Variants in FAF1 observed in about 807,000 individuals in gnomAD.
FAF1 encodes FAS-associated factor 1.
In FAF1, 25 loss-of-function variants were observed where a neutral mutation model predicts 92.5. The observed-to-expected ratio is 0.27, with a 90% confidence interval of 0.20 to 0.38. The LOEUF is 0.38. Among genes scored for constraint, FAF1 ranks in the 10% least tolerant of loss-of-function variants. The pLI is 1.00. For missense variants in FAF1, 636 were observed against 793.3 expected, an observed-to-expected ratio of 0.80 and a Z score of 2.38; for synonymous variants, 234 against 273.2, an observed-to-expected ratio of 0.86 and a Z score of 1.42.
intron 1 of FAF1, among the ~76,000 whole-genome samples, chr1:50,927,638 T>C (rs1207285870): frequency 6.6e-6 from 1 of 152,194 alleles, no homozygotes; most frequent in Non-Finnish European, 1.5e-5. Context: ...ATGTACTAAG[T>C]TATGCTGAAA....
intron 8 of FAF1, among the ~76,000 whole-genome samples, chr1:50,624,156 CT>C (rs1241862069): frequency 1.3e-5 from 2 of 151,352 alleles, no homozygotes; most frequent in Non-Finnish European, 3.0e-5. Context: ...AACTTTCGAA[CT>C]TTTTTTTTCA....
intron 4 of FAF1, among the ~76,000 whole-genome samples, chr1:50,783,095 C>T (rs946592140): frequency 1.3e-5 from 2 of 151,832 alleles, no homozygotes; most frequent in Non-Finnish European, 2.9e-5. Context: ...CATATGCCAA[C>T]AAATTAGATA....
chr1:50,519,449 AGGAGGGAG>A (rs1388584091), intron 15 of FAF1, among the ~76,000 whole-genome samples: 1 of 141,190 alleles, frequency 7.1e-6, no homozygotes, highest in Non-Finnish European at 1.5e-5. Flanking sequence ...GGAGGAGGGA[AGGAGGGAG>A]GGAAGGAAGG....
intron 8 of FAF1, among the ~76,000 whole-genome samples, chr1:50,652,523 A>G (rs1170248808): frequency 1.3e-5 from 2 of 152,234 alleles, no homozygotes; most frequent in Non-Finnish European, 2.9e-5. Flanking sequence ...AACCCTGTGA[A>G]GCCCCACATT....
intron 6 of FAF1, among the ~76,000 whole-genome samples, chr1:50,724,296 T>TACACATACACACAC (rs1553132402): frequency 2.6e-5 from 3 of 117,136 alleles, no homozygotes; most frequent in Non-Finnish European, 5.6e-5. Flanking sequence ...CACACACACA[T>TACACATACACACAC]ACACACACAC....
At chr1:50,685,866 T>C (rs915772110) in intron 7 of FAF1, among the ~76,000 whole-genome samples, 1 of 152,200 alleles carries the variant, frequency 6.6e-6, no homozygotes, top group African/African-American at 2.4e-5. Flanking sequence ...TCCCCAGAAA[T>C]ACACTCAAAT....
chr1:50,463,494 A>G (rs1646458294), intron 18 of FAF1, among the ~76,000 whole-genome samples: 1 of 152,232 alleles, frequency 6.6e-6, no homozygotes, highest in Non-Finnish European at 1.5e-5. Context: ...TGTTTAGGGT[A>G]AAGAGCATAG....
At chr1:50,488,767 T>C (rs1646796322) in intron 17 of FAF1, among the ~76,000 whole-genome samples, 1 of 152,220 alleles carries the variant, frequency 6.6e-6, no homozygotes, top group East Asian at 1.9e-4. Flanking sequence ...TTTTCACTTA[T>C]AAAGATAAAT....
chr1:50,697,713 T>C (rs755886408), intron 7 of FAF1, among the ~76,000 whole-genome samples: 3 of 152,140 alleles, frequency 2.0e-5, no homozygotes, highest in Non-Finnish European at 4.4e-5. Flanking sequence ...GGTCACGCAA[T>C]GACCACAAAG....
At chr1:50,450,308 C>T (rs1227533776) in intron 18 of FAF1, among the ~76,000 whole-genome samples, 1 of 152,058 alleles carries the variant, frequency 6.6e-6, no homozygotes, top group Admixed American at 6.6e-5. Context: ...ATAAGTACTC[C>T]TATTATTTCA....
chr1:50,705,944 T>A, intron 6 of FAF1, 53 bp from the exon 7 acceptor site: 2 of 1,106,672 alleles, frequency 1.8e-6, no homozygotes, highest in Non-Finnish European at 2.7e-6. Context: ...AGTTCTAGCT[T>A]GCTTTACAGC....
intron 1 of FAF1, among the ~76,000 whole-genome samples, chr1:50,883,663 G>C (rs1644632308): frequency 6.6e-6 from 1 of 152,006 alleles, no homozygotes; most frequent in Non-Finnish European, 1.5e-5. Flanking sequence ...CACACTAAAA[G>C]AGACTAAAGA....
chr1:50,625,338 A>G (rs1466589121), intron 8 of FAF1, among the ~76,000 whole-genome samples: 1 of 152,180 alleles, frequency 6.6e-6, no homozygotes, highest in Non-Finnish European at 1.5e-5. Flanking sequence ...CCTGTCAACA[A>G]ATATTAAGTA....
At chr1:50,509,940 G>A (rs1647111877) in intron 15 of FAF1, among the ~76,000 whole-genome samples, 1 of 152,006 alleles carries the variant, frequency 6.6e-6, no homozygotes, top group Non-Finnish European at 1.5e-5. Context: ...GGACGAGTTG[G>A]GCGGATTGCC....
At chr1:50,459,118 T>C (rs1646393106) in intron 18 of FAF1, among the ~76,000 whole-genome samples, 1 of 152,052 alleles carries the variant, frequency 6.6e-6, no homozygotes, top group Non-Finnish European at 1.5e-5. Context: ...ACTACAGGCA[T>C]GTGCCACCAC....
At chr1:50,871,154 C>G (rs78882667) in intron 1 of FAF1, among the ~76,000 whole-genome samples, 1,866 of 152,328 alleles carry the variant, frequency 0.012, 23 homozygotes, top group African/African-American at 0.042. Context: ...CATTCTACGA[C>G]ACAGGTGAGG....
intron 7 of FAF1, among the ~76,000 whole-genome samples, chr1:50,705,148 A>G (rs1338560517): frequency 2.0e-5 from 3 of 152,220 alleles, no homozygotes; most frequent in Non-Finnish European, 1.5e-5. Flanking sequence ...CTCCATGAAG[A>G]TAGAATTACT....
intron 15 of FAF1, among the ~76,000 whole-genome samples, chr1:50,498,677 C>T (rs1047891455): frequency 3.3e-5 from 5 of 152,048 alleles, no homozygotes; most frequent in African/African-American, 4.8e-5. Context: ...TGGTGAAACC[C>T]CATCTCCACT....
intron 15 of FAF1, among the ~76,000 whole-genome samples, chr1:50,505,906 A>G (rs745668122): frequency 4.6e-5 from 7 of 152,232 alleles, no homozygotes; most frequent in Non-Finnish European, 8.8e-5. Flanking sequence ...GGAGAGCTTC[A>G]GGAAAAGGAA....
Sources: gnomAD v4.1 joint callset for allele counts (sites outside exome capture counted in the v4.1 genomes callset) on GRCh38, gnomAD v4.1.1 for gene constraint, MANE v1.5 for transcripts, NCBI Gene and HGNC (gene_info 2026-07-23, HGNC 2026-07-21) for gene names.